MAGI1: variants seen among roughly 807,000 people sequenced by gnomAD.
MAGI1 encodes the protein membrane-associated guanylate kinase, WW and PDZ domain-containing protein 1.
A neutral mutation model predicts 139.9 loss-of-function variants in MAGI1; 58 were observed. The observed-to-expected ratio is 0.41, with a 90% CI of 0.34 to 0.52. The LOEUF is 0.52. MAGI1 is among the 20% of genes least tolerant of loss of function. MAGI1 has a pLI of 0.12. For missense variants in MAGI1, 1,874 were observed against 1,901.6 expected, an observed-to-expected ratio of 0.99 and a Z score of 0.27; for synonymous variants, 812 against 737.9, an observed-to-expected ratio of 1.10 and a Z score of -1.63.
intron 2 of MAGI1, among the ~76,000 whole-genome samples, chr3:65,519,328 A>T (rs1237580566): frequency 6.8e-6 from 1 of 146,634 alleles, no homozygotes; most frequent in East Asian, 2.0e-4. Context: ...CAGGAGTATC[A>T]TGATCTGACA....
chr3:65,810,578 G>A (rs2041163306), intron 1 of MAGI1, among the ~76,000 whole-genome samples: 1 of 152,206 alleles, frequency 6.6e-6, no homozygotes, highest in Non-Finnish European at 1.5e-5. Flanking sequence ...ACTGATGGGT[G>A]TTTTCCTTCT....
intron 1 of MAGI1, among the ~76,000 whole-genome samples, chr3:66,035,568 A>G (rs929443327): frequency 6.6e-6 from 1 of 152,198 alleles, no homozygotes; most frequent in African/African-American, 2.4e-5. Flanking sequence ...AGAAGATCCA[A>G]CTGTGCCTGT....
At position 65,359,934 on chromosome 3, in the gene MAGI1, T is replaced by C. The variant is rs536851169; in HGVS notation, c.3634+1265A>G. 65 of 985,404 alleles carry C rather than the reference T, an allele frequency of 6.6e-5. No individual in the cohort carries two copies. In the South Asian group the frequency reaches 2.8e-3, roughly 43 times the overall value. The allele number at this position is 985,404 out of a possible 1,614,324, so 61.0% of individuals were successfully genotyped here. ...AGACAATGTTACACAGTTTCAGTGG[T>C]ATCAATACACCTAATGGTCAGAAGT... On this transcript the variant is annotated intron_variant, in intron 22 of 22. Coordinates refer to ENST00000402939, the MANE Select transcript of MAGI1 (RefSeq NM_001033057.2).
At chr3:65,840,211 G>C (rs2058758827) in intron 1 of MAGI1, among the ~76,000 whole-genome samples, 1 of 151,526 alleles carries the variant, frequency 6.6e-6, no homozygotes, top group African/African-American at 2.4e-5. Flanking sequence ...CACCTGCAAA[G>C]ATGTAGTTTA....
At chr3:65,422,688 C>T (rs182349931) in intron 12 of MAGI1, among the ~76,000 whole-genome samples, 61 of 152,046 alleles carry the variant, frequency 4.0e-4, no homozygotes, top group African/African-American at 1.3e-3. Context: ...AGAAAGATCA[C>T]GAGAACAGAC....
chr3:65,371,397 T>C (rs1385339681), intron 18 of MAGI1, among the ~76,000 whole-genome samples: 2 of 152,226 alleles, frequency 1.3e-5, no homozygotes, highest in African/African-American at 2.4e-5. Context: ...TTAAAAACAC[T>C]ACATACCTTA....
chr3:65,714,000 A>G (rs1398290360), intron 1 of MAGI1, among the ~76,000 whole-genome samples: 1 of 152,226 alleles, frequency 6.6e-6, no homozygotes, highest in Non-Finnish European at 1.5e-5. Context: ...AAAAAATCAT[A>G]AAAAGCACCT....
At chr3:65,515,058 A>G (rs993584350) in intron 2 of MAGI1, among the ~76,000 whole-genome samples, 4 of 142,756 alleles carry the variant, frequency 2.8e-5, no homozygotes, top group Non-Finnish European at 4.5e-5. Flanking sequence ...CTATCGCAAG[A>G]GCAAAAAACC....
intron 1 of MAGI1, among the ~76,000 whole-genome samples, chr3:65,959,647 T>TTATTATTAG (rs1348963239): frequency 7.0e-6 from 1 of 142,592 alleles, no homozygotes; most frequent in African/African-American, 2.6e-5. Flanking sequence ...ATTATTATTA[T>TTATTATTAG]TGAGACAAGG....
intron 1 of MAGI1, among the ~76,000 whole-genome samples, chr3:65,854,698 A>C (rs2059314755): frequency 6.6e-6 from 1 of 152,266 alleles, no homozygotes; most frequent in Non-Finnish European, 1.5e-5. Context: ...ACAAACCTAA[A>C]AACACAGCTA....
chr3:65,904,224 G>A lies in MAGI1; in HGVS notation c.313+133772C>T, dbSNP rs144667585. Reference sequence around the variant, plus strand: ...TATTTCACAAAATATGCAGCAAGGAGAGCCCATGAGGGCAAGAATGGCCTG... The same window carrying A: ...TATTTCACAAAATATGCAGCAAGGAAAGCCCATGAGGGCAAGAATGGCCTG... On this transcript the variant is annotated intron_variant, in intron 1 of 22. Transcript: ENST00000402939. 6.7e-3 allele frequency among the ~76,000 whole-genome samples: 1,018 copies of A among 152,296 alleles called. 10 individuals are homozygous for A. The highest frequency in any genetic ancestry group is 0.023 in the African/African-American group (960 of 41,558).
At chr3:65,674,377 A>G (rs1332659901) in intron 1 of MAGI1, among the ~76,000 whole-genome samples, 1 of 152,178 alleles carries the variant, frequency 6.6e-6, no homozygotes, top group Non-Finnish European at 1.5e-5. Context: ...TTCAAGAACC[A>G]GTCATTTTAT....
intron 1 of MAGI1, among the ~76,000 whole-genome samples, chr3:65,860,803 G>C (rs12486821): frequency 0.11 from 16,144 of 152,178 alleles, 1,018 homozygotes; most frequent in Non-Finnish European, 0.15. Context: ...AGAGATTTCA[G>C]CCAGGTCCAA....
intron 1 of MAGI1, among the ~76,000 whole-genome samples, chr3:65,781,308 C>T (rs990845080): frequency 6.6e-6 from 1 of 152,200 alleles, no homozygotes; most frequent in Non-Finnish European, 1.5e-5. Flanking sequence ...TATCTGACAG[C>T]ATTCATTGAG....
At chr3:65,747,437 TAAATATTTAGTTCTAG>T (rs1340489720) in intron 1 of MAGI1, among the ~76,000 whole-genome samples, 1 of 152,230 alleles carries the variant, frequency 6.6e-6, no homozygotes, top group Non-Finnish European at 1.5e-5. Flanking sequence ...CTCTTCTCAC[TAAATATTTAGTTCTAG>T]AAACTATTTC....
At chr3:65,979,212 T>C (rs1027815797) in intron 1 of MAGI1, among the ~76,000 whole-genome samples, 2 of 149,952 alleles carry the variant, frequency 1.3e-5, no homozygotes, top group Admixed American at 1.4e-4. Context: ...AAATAAGGCA[T>C]AACCTCAGCC....
intron 1 of MAGI1, among the ~76,000 whole-genome samples, chr3:65,988,547 A>T (rs1201393760): frequency 6.6e-6 from 1 of 152,212 alleles, no homozygotes; most frequent in Non-Finnish European, 1.5e-5. Context: ...CTACCATAGC[A>T]GAAACACAAC....
intron 1 of MAGI1, among the ~76,000 whole-genome samples, chr3:65,906,885 T>TAA (rs200434571): frequency 1.9e-4 from 24 of 126,936 alleles, no homozygotes; most frequent in East Asian, 1.1e-3. Flanking sequence ...GACTCTGTCT[T>TAA]AAAAAAAAAA....
chr3:65,482,745 A>G (rs985080697), intron 3 of MAGI1, among the ~76,000 whole-genome samples: 29 of 152,380 alleles, frequency 1.9e-4, no homozygotes, highest in African/African-American at 6.3e-4. Flanking sequence ...AAACTTTCAT[A>G]CGCCACTGTT....
Sources: allele counts gnomAD v4.1 joint callset (sites outside exome capture counted in the v4.1 genomes callset), GRCh38; gene constraint gnomAD v4.1.1; transcripts MANE v1.5; gene names NCBI Gene and HGNC (gene_info 2026-07-23, HGNC 2026-07-21).